Variants in TTC7A observed in about 807,000 individuals in gnomAD.
TTC7A encodes tetratricopeptide repeat protein 7A.
Under a neutral mutation model 103.7 loss-of-function variants are expected in TTC7A, and 110 were observed. That is an observed-to-expected ratio of 1.06 (90% CI 0.91 to 1.24). TTC7A has a LOEUF of 1.24. Ranked by LOEUF, TTC7A falls within the 50% of genes most tolerant of loss-of-function variation. The pLI is 0.00. For synonymous variants in TTC7A, 521 were observed against 467.9 expected (o/e 1.11, Z -1.47); for missense variants, 1,340 against 1,116.3 (o/e 1.20, Z -2.86).
chr2:47,047,845 A>G (rs959837571), intron 16 of TTC7A, among the ~76,000 whole-genome samples: 3 of 152,220 alleles, frequency 2.0e-5, no homozygotes, highest in South Asian at 2.1e-4. Context: ...ACTAGATTTT[A>G]TAAGCCCTGG....
intron 19 of TTC7A, among the ~76,000 whole-genome samples, chr2:47,073,085 C>T (rs1684908280): frequency 6.6e-6 from 1 of 152,198 alleles, no homozygotes; most frequent in African/African-American, 2.4e-5. Context: ...ATCTGACTCT[C>T]CTCCCATGAC....
intron 15 of TTC7A, among the ~76,000 whole-genome samples, chr2:47,031,043 A>G (rs1326984415): frequency 6.6e-6 from 1 of 152,162 alleles, no homozygotes; most frequent in Non-Finnish European, 1.5e-5. Context: ...GCTACTCATG[A>G]GGCTGAGGCA....
rs2103883716 is a variant in TTC7A, at chr2:46,941,294, C to T, written c.-248C>T. On this transcript the variant is annotated 5_prime_UTR_variant, in exon 1 of 20. Coordinates refer to ENST00000319190, the MANE Select transcript of TTC7A (RefSeq NM_020458.4). This position sits in a 1 kb window ranked among gnomAD's most constrained non-coding sequence, Gnocchi z 4.2. The stretch of plus-strand genomic sequence containing the variant: ...GCTACAGCAGAGGCGGAGGTTGCTC[C>T]TGTACGCGTACGGGCCGCTCGGCCG... 5.7e-6 allele frequency: 1 copy of T among 176,648 alleles called. No individual in the cohort carries two copies. The highest frequency in any genetic ancestry group is 6.3e-5 in the Admixed American group (1 of 15,778). The allele number at this position is 176,648 out of a possible 1,614,324, so 10.9% of individuals were successfully genotyped here.
intron 3 of TTC7A, among the ~76,000 whole-genome samples, chr2:46,969,911 C>T (rs1328336408): frequency 6.6e-6 from 1 of 152,192 alleles, no homozygotes; most frequent in African/African-American, 2.4e-5. Flanking sequence ...TTAGGAGATG[C>T]AGCCAGACTG....
intron 18 of TTC7A, among the ~76,000 whole-genome samples, chr2:47,056,034 C>T (rs1392083832): frequency 4.6e-5 from 7 of 152,054 alleles, no homozygotes; most frequent in South Asian, 2.1e-4. Flanking sequence ...CCCGAGTCAG[C>T]GAGGCCACTC....
chr2:47,040,262 C>G (rs2104662513), intron 15 of TTC7A: 2 of 152,428 alleles, frequency 1.3e-5, no homozygotes, highest in Middle Eastern at 3.4e-3. Flanking sequence ...GGATGGAGCA[C>G]ATCTCAGGAC....
intron 2 of TTC7A, among the ~76,000 whole-genome samples, chr2:46,919,003 A>C (rs1360826512): frequency 6.6e-6 from 1 of 152,230 alleles, no homozygotes; most frequent in Non-Finnish European, 1.5e-5. Context: ...TGGCTTTATC[A>C]GGAGATAGGA....
At chr2:46,919,155 A>G (rs1668970033) in intron 2 of TTC7A, among the ~76,000 whole-genome samples, 1 of 152,216 alleles carries the variant, frequency 6.6e-6, no homozygotes, top group Admixed American at 6.5e-5. Flanking sequence ...TTCAATTTAC[A>G]CCTTTTAGTA....
chr2:47,001,589 G>A (rs1259238431), intron 8 of TTC7A, among the ~76,000 whole-genome samples: 1 of 152,198 alleles, frequency 6.6e-6, no homozygotes, highest in Non-Finnish European at 1.5e-5. Context: ...GGGAGCGGTG[G>A]CTCACGCCTG....
In TTC7A at chr2:46,919,477, G is replaced by T. The variant is rs1201719528; in HGVS notation, c.82+2200G>T. Among the ~76,000 whole-genome samples the T allele has an allele frequency of 2.0e-5, 3 of 152,190 alleles. No individual in the cohort carries two copies. In the East Asian group the frequency reaches 5.8e-4, roughly 29 times the overall value. ...GAACCCGGGCAGCAGAGGTTGAGGT[G>T]AGCTGAGATCGCACCATTGCTCTTC... On this transcript the variant is annotated intron_variant, in intron 2 of 20. Transcript: ENST00000409245.
intron 10 of TTC7A, among the ~76,000 whole-genome samples, chr2:47,008,378 G>C (rs760473110): frequency 6.6e-6 from 1 of 152,214 alleles, no homozygotes; most frequent in African/African-American, 2.4e-5. Context: ...CAAAGGTGTC[G>C]TGATAGCCTG....
chr2:46,937,075 C>T (rs1341267462), upstream of TTC7A, among the ~76,000 whole-genome samples: 2 of 152,014 alleles, frequency 1.3e-5, no homozygotes, highest in African/African-American at 2.4e-5. The surrounding 1 kb of genome is among the most constrained non-coding windows in gnomAD (Gnocchi z 4.0). Flanking sequence ...AGGCTCGTCT[C>T]GAACTCCTGA....
chr2:47,011,810 C>G (rs1338987779), intron 11 of TTC7A, among the ~76,000 whole-genome samples: 1 of 152,254 alleles, frequency 6.6e-6, no homozygotes, highest in Non-Finnish European at 1.5e-5. Context: ...TCTGCAAGGG[C>G]CTGCAAGGCG....
At chr2:46,947,687 A>G (rs1262414612) in intron 1 of TTC7A, among the ~76,000 whole-genome samples, 1 of 152,230 alleles carries the variant, frequency 6.6e-6, no homozygotes, top group African/African-American at 2.4e-5. Flanking sequence ...ATTGCGCTTC[A>G]GCCTGGGTGA....
chr2:47,018,160 C>G (rs1319812918), intron 11 of TTC7A, among the ~76,000 whole-genome samples: 1 of 151,452 alleles, frequency 6.6e-6, no homozygotes, highest in Non-Finnish European at 1.5e-5. Flanking sequence ...ACTGGTAATC[C>G]CAGCTACTCA....
At chr2:47,012,748 T>G (rs918245449) in intron 11 of TTC7A, among the ~76,000 whole-genome samples, 6 of 152,098 alleles carry the variant, frequency 3.9e-5, no homozygotes, top group Non-Finnish European at 8.8e-5. Flanking sequence ...TTGCCTTCTC[T>G]CTGCTCCAGG....
At chr2:46,957,432 G>A (rs1389667122) in intron 3 of TTC7A, among the ~76,000 whole-genome samples, 4 of 152,238 alleles carry the variant, frequency 2.6e-5, no homozygotes, top group Non-Finnish European at 2.9e-5. Flanking sequence ...GCTGACTGGC[G>A]CTGGCCCCAG....
At chr2:47,014,626 G>A (rs937787408) in intron 11 of TTC7A, among the ~76,000 whole-genome samples, 1 of 152,148 alleles carries the variant, frequency 6.6e-6, no homozygotes, top group Non-Finnish European at 1.5e-5. Context: ...GGGGGTGTTC[G>A]TGCATGAGAC....
At chr2:47,021,782 G>C in intron 11 of TTC7A, 80 bp from the exon 12 acceptor site, 2 of 1,104,204 alleles carry the variant, frequency 1.8e-6, no homozygotes, top group South Asian at 2.7e-5. Flanking sequence ...CTTCTGTTTC[G>C]GGAACAGGTC....
Sources: gnomAD v4.1 joint callset for allele counts (sites outside exome capture counted in the v4.1 genomes callset) on GRCh38, gnomAD v4.1.1 for gene constraint, Gnocchi (gnomAD v3.1) non-coding constraint, MANE v1.5 for transcripts, NCBI Gene and HGNC (gene_info 2026-07-23, HGNC 2026-07-21) for gene names.